DPYSL2: variants seen among roughly 807,000 people sequenced by gnomAD.
DPYSL2 encodes dihydropyrimidinase like 2.
DPYSL2 carries 13 observed loss-of-function variants against 69.9 expected under a neutral mutation model. The observed-to-expected ratio is 0.19, with a 90% confidence interval of 0.12 to 0.30. The LOEUF is 0.30. DPYSL2 is among the 10% of genes least tolerant of loss of function. The pLI is 1.00. For missense variants in DPYSL2, 587 were observed against 918.9 expected (o/e 0.64, Z 4.67); for synonymous variants, 326 against 359.1 (o/e 0.91, Z 1.04).
rs553203770 is a variant in DPYSL2 at position 26,515,147 on chromosome 8, T to A, written c.354+468T>A. Among the ~76,000 whole-genome samples the A allele has an allele frequency of 2.9e-3, 446 of 152,086 alleles. 2 individuals are homozygous for A. Among genetic ancestry groups the A allele is most frequent in the Non-Finnish European group, 5.1e-3 (349 of 67,966 alleles). The stretch of plus-strand genomic sequence containing the variant: ...GAGGGGCGGGGGTTCGGACGGCCGC[T>A]CCCTACAGCCTCCGCCCGCGCCTTC... On this transcript the variant is annotated intron_variant, in intron 1 of 13. Transcript: ENST00000521913.
chr8:26,646,194 G>A (rs1585571410), intron 10 of DPYSL2, among the ~76,000 whole-genome samples: 1 of 91,448 alleles, frequency 1.1e-5, no homozygotes, highest in Admixed American at 9.9e-5. Context: ...GAACATTTAT[G>A]TTGTTTCTGG....
At position 26,533,268 on chromosome 8, in the gene DPYSL2, G is replaced by T. The variant is rs1328007448; in HGVS notation, c.354+18589G>T. Among the ~76,000 whole-genome samples the T allele has an allele frequency of 6.6e-6, 1 of 152,110 alleles. No individual in the cohort carries two copies. Among genetic ancestry groups the T allele is most frequent in the Non-Finnish European group, 1.5e-5 (1 of 68,032 alleles). On this transcript the variant is annotated intron_variant, in intron 1 of 13. Coordinates refer to ENST00000521913, the MANE Select transcript of DPYSL2 (RefSeq NM_001197293.3). This position sits in a 1 kb window ranked among gnomAD's most constrained non-coding sequence, Gnocchi z 4.8. ...CTGTAAGAGTTCTTTATATATTCTG[G>T]ATACTACATCCTTAATATATATTAT... is the stretch of plus-strand genomic sequence containing the variant.
rs191902022 is a variant in DPYSL2 at position 26,653,702 on chromosome 8, C to T, written c.1942+305C>T. Among the ~76,000 whole-genome samples, 266 of 152,250 alleles carry T rather than the reference C, an allele frequency of 1.7e-3. No individual in the cohort carries two copies. Among genetic ancestry groups the T allele is most frequent in the Non-Finnish European group, 2.1e-3 (141 of 68,006 alleles). On this transcript the variant is annotated intron_variant, in intron 13 of 13. Coordinates refer to ENST00000521913, the MANE Select transcript of DPYSL2 (RefSeq NM_001197293.3). The surrounding 1 kb of genome is among the most constrained non-coding windows in gnomAD (Gnocchi z 5.7). ...CCTCCCAAGTAGCTGGGATTACAGG[C>T]ATGCACCACCATACCTGGCTAATTT... is the stretch of plus-strand genomic sequence containing the variant.
Position 26,643,089 on chromosome 8 carries a change from A to G in DPYSL2, c.1127-350A>G. The G allele has an allele frequency of 4.2e-6, 1 of 235,762 alleles. No individual in the cohort carries two copies. The highest frequency in any genetic ancestry group is 8.2e-6 in the Non-Finnish European group (1 of 121,964). 14.6% of individuals were successfully genotyped at this position (235,762 alleles called of 1,614,324 possible). A position where few individuals can be genotyped will look rare whatever the true frequency, so the allele number is the denominator to read the frequency against. Reference sequence around the variant, plus strand: ...AGGCCATGCATAAAGAACAGTCCAGATGGCACCTGGGACCGGATGCCTGGA... The same window carrying G: ...AGGCCATGCATAAAGAACAGTCCAGGTGGCACCTGGGACCGGATGCCTGGA... On this transcript the variant is annotated intron_variant, in intron 8 of 13. Transcript: ENST00000521913. The surrounding 1 kb of genome is among the most constrained non-coding windows in gnomAD (Gnocchi z 6.5).
In DPYSL2 at chr8:26,615,114, G is replaced by A. The variant is rs1377160061; in HGVS notation, c.629-9029G>A. 2.0e-5 allele frequency among the ~76,000 whole-genome samples: 3 copies of A among 152,222 alleles called. No homozygotes were observed. The East Asian group carries it at 5.8e-4, about 29-fold the overall frequency. On this transcript the variant is annotated intron_variant, in intron 3 of 13. Transcript: ENST00000521913. ...CTTCTGTGGCCCAGGCCCTCTGCCT[G>A]GCACATTTTAAGTAATGTGAGCGGA...
intron 1 of DPYSL2, among the ~76,000 whole-genome samples, chr8:26,567,098 A>G (rs949853558): frequency 6.6e-6 from 1 of 151,258 alleles, no homozygotes; most frequent in Non-Finnish European, 1.5e-5. Flanking sequence ...CCATCCATCC[A>G]TCCATCCACC....
rs900805917 is a variant in DPYSL2 at position 26,655,721 on chromosome 8, G to C, written c.*15G>C. On this transcript the variant is annotated 3_prime_UTR_variant, in exon 14 of 14. Coordinates refer to ENST00000521913, the MANE Select transcript of DPYSL2 (RefSeq NM_001197293.3). ...GCCTGGGCTAGAGCTCCTGGGCTGTGCCGTCCACTGGGGACTGGGGATGGG... is the reference window on the plus strand; with the variant it reads ...GCCTGGGCTAGAGCTCCTGGGCTGTCCCGTCCACTGGGGACTGGGGATGGG... The C allele has an allele frequency of 1.3e-6, 2 of 1,589,370 alleles. No homozygotes were observed. Among genetic ancestry groups the C allele is most frequent in the African/African-American group, 1.3e-5 (1 of 74,462 alleles).
rs1222777041 is a variant in DPYSL2, at chr8:26,593,138, G to A, written c.628+9155G>A. On this transcript the variant is annotated intron_variant, in intron 3 of 13. Transcript: ENST00000521913. This position sits in a 1 kb window ranked among gnomAD's most constrained non-coding sequence, Gnocchi z 5.7. The stretch of plus-strand genomic sequence containing the variant: ...GGTAGCTTTCTTTGAATATGACTAA[G>A]TGTTCCCCCTAATGACAGAGAGGAT... Among the ~76,000 whole-genome samples the A allele has an allele frequency of 6.6e-6, 1 of 152,160 alleles. No individual in the cohort carries two copies. Among genetic ancestry groups the A allele is most frequent in the Non-Finnish European group, 1.5e-5 (1 of 68,038 alleles).
intron 1 of DPYSL2, among the ~76,000 whole-genome samples, chr8:26,541,253 C>G (rs1238090230): frequency 2.0e-5 from 3 of 152,154 alleles, no homozygotes; most frequent in Non-Finnish European, 4.4e-5. Context: ...ATGATATGTT[C>G]TAAATATTGA....
rs1398960789 is a variant in DPYSL2 at position 26,624,495 on chromosome 8, A to G, written c.793+188A>G. Among the ~76,000 whole-genome samples, 3 of 152,200 alleles carry G rather than the reference A, an allele frequency of 2.0e-5. No individual in the cohort carries two copies. The highest frequency in any genetic ancestry group is 4.4e-5 in the Non-Finnish European group (3 of 68,036). On this transcript the variant is annotated intron_variant, in intron 4 of 13. Transcript: ENST00000521913. This position sits in a 1 kb window ranked among gnomAD's most constrained non-coding sequence, Gnocchi z 4.7. Reference sequence around the variant, plus strand: ...GTTTGGAGGTGGCCTTACCCAGTGCAGTAACATGAGCCTTCATTGATGATA... The same window carrying G: ...GTTTGGAGGTGGCCTTACCCAGTGCGGTAACATGAGCCTTCATTGATGATA...
At chr8:26,622,640 C>T (rs1479212722) in intron 3 of DPYSL2, among the ~76,000 whole-genome samples, 1 of 152,020 alleles carries the variant, frequency 6.6e-6, no homozygotes, top group African/African-American at 2.4e-5. Context: ...GTAGCTGGGA[C>T]TACAGGCATG....
At chr8:26,649,508 T>A (rs1440301203) in intron 11 of DPYSL2, among the ~76,000 whole-genome samples, 1 of 152,208 alleles carries the variant, frequency 6.6e-6, no homozygotes, top group Non-Finnish European at 1.5e-5. Flanking sequence ...TGCTTTTACC[T>A]CCAGGTGACC....
chr8:26,574,662 G>A (rs1385207703), intron 1 of DPYSL2, among the ~76,000 whole-genome samples: 1 of 152,194 alleles, frequency 6.6e-6, no homozygotes. Context: ...CTGACAAAGG[G>A]TACGAATATT....
In DPYSL2 at chr8:26,627,126, C is replaced by A; in HGVS notation, c.856-89C>A. On this transcript the variant is annotated intron_variant, in intron 5 of 13. Transcript: ENST00000521913. This position sits in a 1 kb window ranked among gnomAD's most constrained non-coding sequence, Gnocchi z 6.9. ...CGCCTAGGTGTCCTGTTTCTCATCC[C>A]AGAAATGCCTCTGGTGGGGAGATGA... The A allele has an allele frequency of 7.8e-7, 1 of 1,279,760 alleles. No homozygotes were observed. The highest frequency in any genetic ancestry group is 1.1e-6 in the Non-Finnish European group (1 of 884,180). 79.3% of individuals were successfully genotyped at this position (1,279,760 alleles called of 1,614,324 possible). A position where few individuals can be genotyped will look rare whatever the true frequency, so the allele number is the denominator to read the frequency against.
chr8:26,622,268 C>A (rs773004157), intron 3 of DPYSL2, among the ~76,000 whole-genome samples: 1 of 151,620 alleles, frequency 6.6e-6, no homozygotes, highest in Non-Finnish European at 1.5e-5. Context: ...TTTTCTACAT[C>A]AGCATTTTAC....
rs36041454 is a variant in DPYSL2 at position 26,562,289 on chromosome 8, A to C, written c.355-19680A>C. Among the ~76,000 whole-genome samples the C allele has an allele frequency of 0.45, 68,267 of 152,088 alleles. 16,654 individuals carry two copies. Among genetic ancestry groups the C allele is most frequent in the East Asian group, 0.7 (3,633 of 5,176 alleles). ...AGTTGTTGTGAGGATTAAATGTATT[A>C]TGAGGCTTAACCAGAGTTAATACTT... On this transcript the variant is annotated intron_variant, in intron 1 of 13. Transcript: ENST00000521913. The surrounding 1 kb of genome is among the most constrained non-coding windows in gnomAD (Gnocchi z 4.9).
chr8:26,523,240 G>C, intron 1 of DPYSL2, among the ~76,000 whole-genome samples: 1 of 151,760 alleles, frequency 6.6e-6, no homozygotes, highest in East Asian at 1.9e-4. Context: ...TGTTGAGGAA[G>C]GCAGCAACCA....
At chr8:26,578,659 G>T (rs1439245055) in intron 1 of DPYSL2, 1 of 1,046,198 alleles carries the variant, frequency 9.6e-7, no homozygotes, top group African/African-American at 1.7e-5. Flanking sequence ...TTGTTCTCTG[G>T]GCTGCGTGCT....
At chr8:26,629,274 A>G (rs1802684303) in intron 7 of DPYSL2, among the ~76,000 whole-genome samples, 1 of 152,106 alleles carries the variant, frequency 6.6e-6, no homozygotes, top group South Asian at 2.1e-4. Context: ...ACAGACACAT[A>G]GACACACAGA....
Sources: allele counts gnomAD v4.1 joint callset (sites outside exome capture counted in the v4.1 genomes callset), GRCh38; gene constraint gnomAD v4.1.1; non-coding constraint Gnocchi (gnomAD v3.1); transcripts MANE v1.5; gene names NCBI Gene and HGNC (gene_info 2026-07-23, HGNC 2026-07-21).